Variants in PAK5 observed in about 807,000 individuals in gnomAD.
PAK5 encodes p21 (RAC1) activated kinase 5.
Under a neutral mutation model 65.9 loss-of-function variants are expected in PAK5, and 16 were observed. The observed-to-expected ratio is 0.24, with a 90% CI of 0.16 to 0.37. The LOEUF is 0.37. PAK5 is among the 10% of genes least tolerant of loss of function. The probability of loss-of-function intolerance (pLI) is 1.00; values close to 1 mark genes in which losing one functional copy is unlikely to be tolerated. For synonymous variants in PAK5, 371 were observed against 354.9 expected, an observed-to-expected ratio of 1.05 and a Z score of -0.51; for missense variants, 785 against 903.9, an observed-to-expected ratio of 0.87 and a Z score of 1.69.
chr20:9,566,798 G>A (rs1416570918), intron 4 of PAK5, among the ~76,000 whole-genome samples: 1 of 152,194 alleles, frequency 6.6e-6, no homozygotes, highest in Non-Finnish European at 1.5e-5. Flanking sequence ...CACAGCAGAT[G>A]TAGGTACAGG....
chr20:9,835,631 C>T (rs1471953330), intron 1 of PAK5, among the ~76,000 whole-genome samples: 1 of 151,948 alleles, frequency 6.6e-6, no homozygotes, highest in African/African-American at 2.4e-5. Context: ...TTCTAGTGGT[C>T]CAGGTAAGAG....
chr20:9,558,519 A>C (rs1416517127), intron 6 of PAK5, among the ~76,000 whole-genome samples: 2 of 152,160 alleles, frequency 1.3e-5, no homozygotes, highest in African/African-American at 4.8e-5. Context: ...GTGGCTGTTA[A>C]ATGATCATAA....
At chr20:9,682,358 A>AAAACAAACAAACAAAC (rs58803076) in intron 2 of PAK5, among the ~76,000 whole-genome samples, 1 of 151,474 alleles carries the variant, frequency 6.6e-6, no homozygotes, top group African/African-American at 2.4e-5. Flanking sequence ...GTCTGTCTAG[A>AAAACAAACAAACAAAC]AAACAAACAA....
intron 1 of PAK5, among the ~76,000 whole-genome samples, chr20:9,762,223 C>T (rs1020894920): frequency 2.6e-5 from 4 of 152,086 alleles, no homozygotes; most frequent in African/African-American, 9.7e-5. Flanking sequence ...TTGGATATAG[C>T]ACCCAAAGCA....
In PAK5 at chr20:9,838,281, A is replaced by G. The variant is rs749495009; in HGVS notation, c.-162+481T>C. Among the ~76,000 whole-genome samples the G allele has an allele frequency of 7.0e-4, 107 of 152,258 alleles. No individual in the cohort carries two copies. Among genetic ancestry groups the G allele is most frequent in the Non-Finnish European group, 1.2e-3 (85 of 68,032 alleles). On this transcript the variant is annotated intron_variant, in intron 1 of 9. Coordinates refer to ENST00000353224, the MANE Select transcript of PAK5 (RefSeq NM_177990.4). This position sits in a 1 kb window ranked among gnomAD's most constrained non-coding sequence, Gnocchi z 4.5. Reference sequence around the variant, plus strand: ...TCAGCTATTGCATCCTCCAGTCCACACCTGCCAAAAGACAAAAACCATGCG... The same window carrying G: ...TCAGCTATTGCATCCTCCAGTCCACGCCTGCCAAAAGACAAAAACCATGCG...
At chr20:9,557,554 T>A (rs1447370841) in intron 7 of PAK5, 54 bp downstream of exon 7, 1 of 1,518,358 alleles carries the variant, frequency 6.6e-7, no homozygotes, top group Non-Finnish European at 8.9e-7. Context: ...GTTATGCCCA[T>A]GACAGACAGA....
intron 1 of PAK5, among the ~76,000 whole-genome samples, chr20:9,748,039 A>G (rs1264664840): frequency 6.6e-6 from 1 of 152,196 alleles, no homozygotes. Context: ...TTATACACCA[A>G]TAACAGATAA....
intron 3 of PAK5, among the ~76,000 whole-genome samples, chr20:9,614,251 G>T (rs2046614915): frequency 6.6e-6 from 1 of 152,180 alleles, no homozygotes; most frequent in Non-Finnish European, 1.5e-5. Flanking sequence ...AGCTGAGAAA[G>T]ACTCTCTGAG....
chr20:9,789,111 C>A (rs1427053105), intron 1 of PAK5, among the ~76,000 whole-genome samples: 2 of 152,130 alleles, frequency 1.3e-5, no homozygotes, highest in East Asian at 3.9e-4. Context: ...TAAATCAATC[C>A]TTTGTAGAAG....
At chr20:9,626,834 T>C (rs2046851160) in intron 3 of PAK5, among the ~76,000 whole-genome samples, 1 of 152,202 alleles carries the variant, frequency 6.6e-6, no homozygotes, top group Non-Finnish European at 1.5e-5. Flanking sequence ...CAAGAAACTT[T>C]GGTAACCCCT....
intron 1 of PAK5, among the ~76,000 whole-genome samples, chr20:9,721,542 A>C (rs1569058564): frequency 6.6e-6 from 1 of 150,692 alleles, no homozygotes; most frequent in Non-Finnish European, 1.5e-5. Context: ...AATCTCAGCT[A>C]CTCGGGAGGC....
At chr20:9,794,380 G>T (rs2049082891) in intron 1 of PAK5, among the ~76,000 whole-genome samples, 1 of 152,006 alleles carries the variant, frequency 6.6e-6, no homozygotes, top group Admixed American at 6.6e-5. Context: ...GGCAAGAATT[G>T]ATGGAGGAGC....
chr20:9,602,265 T>C (rs2046373520), intron 3 of PAK5, among the ~76,000 whole-genome samples: 1 of 151,488 alleles, frequency 6.6e-6, no homozygotes, highest in South Asian at 2.1e-4. Context: ...CACTCCAGCC[T>C]GGCAACAAAG....
At chr20:9,835,087 T>C (rs180757222) in intron 1 of PAK5, among the ~76,000 whole-genome samples, 112 of 152,334 alleles carry the variant, frequency 7.4e-4, no homozygotes, top group African/African-American at 1.1e-3. Flanking sequence ...TTGCTCTTTC[T>C]ATACTAGAAA....
Position 9,644,114 on chromosome 20 carries a change from C to T in PAK5, c.204+11G>A. The stretch of plus-strand genomic sequence containing the variant: ...TCTTAAGCCCAGCCAAAGATGGAGC[C>T]CTCACCATACCTTCATAGGAGCCAG... On this transcript the variant is annotated intron_variant, in intron 3 of 9. Transcript: ENST00000353224. 1.2e-6 allele frequency: 2 copies of T among 1,605,832 alleles called. No individual in the cohort carries two copies. Among genetic ancestry groups the T allele is most frequent in the East Asian group, 2.2e-5 (1 of 44,854 alleles).
chr20:9,612,286 T>C (rs2046577546), intron 3 of PAK5, among the ~76,000 whole-genome samples: 1 of 152,210 alleles, frequency 6.6e-6, no homozygotes, highest in African/African-American at 2.4e-5. Context: ...GTCGTCTCCG[T>C]CTGGAGAACA....
intron 1 of PAK5, among the ~76,000 whole-genome samples, chr20:9,808,473 AT>A (rs1283711795): frequency 6.6e-6 from 1 of 152,236 alleles, no homozygotes; most frequent in Non-Finnish European, 1.5e-5. Context: ...AGTATTCATA[AT>A]GTCCAAAAAG....
At chr20:9,569,594 A>G in intron 4 of PAK5, among the ~76,000 whole-genome samples, 1 of 152,208 alleles carries the variant, frequency 6.6e-6, no homozygotes, top group Non-Finnish European at 1.5e-5. Context: ...GTCAAATGCC[A>G]CTGAGAAGTG....
chr20:9,783,919 G>A (rs1191614283), intron 1 of PAK5, among the ~76,000 whole-genome samples: 2 of 152,036 alleles, frequency 1.3e-5, no homozygotes, highest in African/African-American at 4.8e-5. Flanking sequence ...CCCAATTTTT[G>A]TATTCATGCC....
Sources: gnomAD v4.1 joint callset for allele counts (sites outside exome capture counted in the v4.1 genomes callset) on GRCh38, gnomAD v4.1.1 for gene constraint, Gnocchi (gnomAD v3.1) non-coding constraint, MANE v1.5 for transcripts, NCBI Gene and HGNC (gene_info 2026-07-23, HGNC 2026-07-21) for gene names.